RHEX: variants seen among roughly 807,000 people sequenced by gnomAD.
RHEX encodes the protein regulator of hemoglobinization and erythroid cell expansion, also known as regulator of hemoglobinization and erythroid cell expansion protein.
In RHEX, 18 loss-of-function variants were observed where a neutral mutation model predicts 20.1. That is an observed-to-expected ratio of 0.90 (90% CI 0.62 to 1.33). The LOEUF is 1.33. RHEX is among the 40% of genes most tolerant of loss of function. RHEX has a pLI of 0.00. For missense variants in RHEX, 192 were observed against 214.3 expected (o/e 0.90, Z 0.65); for synonymous variants, 87 against 77.1 (o/e 1.13, Z -0.67).
At chr1:206,090,409 C>T (rs369339890) in intron 1 of RHEX, among the ~76,000 whole-genome samples, 1 of 151,942 alleles carries the variant, frequency 6.6e-6, no homozygotes, top group East Asian at 1.9e-4. Flanking sequence ...GTTTCACCAT[C>T]TTGGCCAGGC....
intron 1 of RHEX, among the ~76,000 whole-genome samples, chr1:206,092,489 G>A (rs1662976200): frequency 6.6e-6 from 1 of 152,140 alleles, no homozygotes; most frequent in Non-Finnish European, 1.5e-5. Flanking sequence ...CTGACTCCAG[G>A]TTCTTTGTCT....
chr1:206,098,061 C>T lies in RHEX; in HGVS notation c.12-20C>T, dbSNP rs1553287929. On this transcript the variant is annotated intron_variant, in intron 2 of 5. Coordinates refer to ENST00000331555, the MANE Select transcript of RHEX (RefSeq NM_001007544.4). ...ACATCCTTGCAATCTCTGACTTTGC[C>T]CCTTTTTCTTTCCCAACAGAGTCAT... 1 of 1,589,274 alleles carries T rather than the reference C, an allele frequency of 6.3e-7. No homozygotes were observed.
rs782607585 is a variant in RHEX at position 206,099,709 on chromosome 1, G to A, written c.167G>A (p.Ser56Asn). 66 of 1,613,984 alleles carry A rather than the reference G, an allele frequency of 4.1e-5. No homozygotes were observed. The highest frequency in any genetic ancestry group is 5.0e-5 in the Admixed American group (3 of 60,000). Residue 56 changes from serine to asparagine, a missense_variant, in exon 4 of 6, where the codon AGC becomes AAC. Ser to Asn is a conservative substitution (Grantham distance 46). Transcript: ENST00000331555. ...KAASLQVPRPSPGHHHPPAVK... is the reference protein window; with the variant it reads ...KAASLQVPRPNPGHHHPPAVK... ...GCCAGTCTCCAGGTTCCCAGGCCCA[G>A]CCCTGGCCACCATCATCCACCTGCT...
chr1:206,101,974 G>A lies in RHEX; in HGVS notation c.*22G>A, dbSNP rs782188597. 3 of 1,557,784 alleles carry A rather than the reference G, an allele frequency of 1.9e-6. No individual in the cohort carries two copies. Among genetic ancestry groups the A allele is most frequent in the Non-Finnish European group, 2.7e-6 (3 of 1,129,554 alleles). On this transcript the variant is annotated 3_prime_UTR_variant, in exon 6 of 6. Transcript: ENST00000331555. The stretch of plus-strand genomic sequence containing the variant: ...GTGAATTCCAAATATTTTTAATGGG[G>A]TCCAGTTCTCTATGGATTCTTACAT...
chr1:206,084,634 C>T (rs950667771), intron 1 of RHEX, among the ~76,000 whole-genome samples: 2 of 152,168 alleles, frequency 1.3e-5, no homozygotes, highest in African/African-American at 4.8e-5. Flanking sequence ...ATTGGCTGAT[C>T]CTGCTTCTCG....
chr1:206,102,245 T>A lies in RHEX; in HGVS notation c.*293T>A, dbSNP rs1663207232. Reference sequence around the variant, plus strand: ...TTGAGATCAGATGTTAGGAAGAACTTTCAGGTAAAGTATGAGAACTATGGA... The same window carrying A: ...TTGAGATCAGATGTTAGGAAGAACTATCAGGTAAAGTATGAGAACTATGGA... On this transcript the variant is annotated 3_prime_UTR_variant, in exon 6 of 6. Coordinates refer to ENST00000331555, the MANE Select transcript of RHEX (RefSeq NM_001007544.4). 1 of 430,840 alleles carries A rather than the reference T, an allele frequency of 2.3e-6. No individual in the cohort carries two copies. Among genetic ancestry groups the A allele is most frequent in the South Asian group, 2.6e-5 (1 of 38,216 alleles). The allele number at this position is 430,840 out of a possible 1,614,324, so 26.7% of individuals were successfully genotyped here.
At position 206,055,595 on chromosome 1, in the gene RHEX, C is replaced by T. The variant is rs1132545; in HGVS notation, c.-97+2330C>T. Among the ~76,000 whole-genome samples, 7 of 152,194 alleles carry T rather than the reference C, an allele frequency of 4.6e-5. No individual in the cohort carries two copies. The South Asian group carries it at 6.2e-4, about 13-fold the overall frequency. On this transcript the variant is annotated intron_variant, in intron 1 of 5. Coordinates refer to ENST00000331555, the MANE Select transcript of RHEX (RefSeq NM_001007544.4). ...AGGAACACCAGATCAATTTAAAGTC[C>T]GAAATCAAATAGCTACAGGATTTAA... is the stretch of plus-strand genomic sequence containing the variant.
intron 1 of RHEX, among the ~76,000 whole-genome samples, chr1:206,071,552 A>G (rs190463447): frequency 1.7e-4 from 26 of 151,934 alleles, no homozygotes; most frequent in Admixed American, 1.6e-3. Flanking sequence ...AATGCAAAAA[A>G]AAAAAAAAAA....
chr1:206,098,234 G>A (rs781870418), intron 3 of RHEX, 53 bp downstream of exon 3: 23 of 1,331,360 alleles, frequency 1.7e-5, no homozygotes, highest in Admixed American at 1.0e-4. Flanking sequence ...GACCATTCTC[G>A]AGCCTCCAGC....
chr1:206,082,181 T>A (rs1023365810), intron 1 of RHEX, among the ~76,000 whole-genome samples: 1 of 152,160 alleles, frequency 6.6e-6, no homozygotes, highest in African/African-American at 2.4e-5. Context: ...TGAAAGGGAC[T>A]CAGCCCAAGG....
intron 1 of RHEX, among the ~76,000 whole-genome samples, chr1:206,093,999 C>A (rs1050414081): frequency 6.6e-6 from 1 of 152,064 alleles, no homozygotes; most frequent in Non-Finnish European, 1.5e-5. Context: ...TTTTGAGGTG[C>A]CTGGCAGGGC....
At position 206,074,531 on chromosome 1, in the gene RHEX, G is replaced by A. The variant is rs147328929; in HGVS notation, c.-97+21266G>A. ...ACCACACATTTCACCAATTAAAAGT[G>A]CACAGTTCCGTGGTTTTTAGTATAT... On this transcript the variant is annotated intron_variant, in intron 1 of 5. Coordinates refer to ENST00000331555, the MANE Select transcript of RHEX (RefSeq NM_001007544.4). Among the ~76,000 whole-genome samples, 474 of 152,266 alleles carry A rather than the reference G, an allele frequency of 3.1e-3. 1 individual carries two copies. Among genetic ancestry groups the A allele is most frequent in the African/African-American group, 0.011 (440 of 41,540 alleles).
chr1:206,078,639 T>C (rs1182343948), intron 1 of RHEX, among the ~76,000 whole-genome samples: 2 of 152,240 alleles, frequency 1.3e-5, no homozygotes, highest in African/African-American at 4.8e-5. Flanking sequence ...GAGTGCTTCA[T>C]ATGAGTTCAT....
chr1:206,063,540 C>T (rs904589197), intron 1 of RHEX, among the ~76,000 whole-genome samples: 12 of 152,248 alleles, frequency 7.9e-5, no homozygotes, highest in African/African-American at 2.7e-4. Context: ...TGCAGGCGCG[C>T]GCCGCCACGC....
At chr1:206,100,115 A>C (rs1407549898) in intron 4 of RHEX, among the ~76,000 whole-genome samples, 1 of 152,168 alleles carries the variant, frequency 6.6e-6, no homozygotes, top group Admixed American at 6.5e-5. Context: ...CGGATTGATC[A>C]GCTAATGGTG....
At chr1:206,100,251 TG>T (rs1553288235) in intron 4 of RHEX, among the ~76,000 whole-genome samples, 1 of 152,208 alleles carries the variant, frequency 6.6e-6, no homozygotes, top group Non-Finnish European at 1.5e-5. Flanking sequence ...GTCTTAGATC[TG>T]CATGGGTATC....
intron 1 of RHEX, among the ~76,000 whole-genome samples, chr1:206,081,904 A>C (rs910165266): frequency 1.3e-5 from 2 of 152,210 alleles, no homozygotes; most frequent in Non-Finnish European, 2.9e-5. Context: ...CCCCACAGTT[A>C]GCTGTAGCTT....
intron 3 of RHEX, among the ~76,000 whole-genome samples, chr1:206,099,388 G>T (rs542500335): frequency 6.6e-6 from 1 of 151,342 alleles, no homozygotes; most frequent in Non-Finnish European, 1.5e-5. Context: ...GCACAGTCTC[G>T]GCTCGCTGCA....
chr1:206,090,310 A>G (rs569478384), intron 1 of RHEX, among the ~76,000 whole-genome samples: 2 of 146,584 alleles, frequency 1.4e-5, no homozygotes, highest in South Asian at 2.1e-4. Flanking sequence ...GGTTCAAGCG[A>G]TTCTCCTGCC....
Sources: allele counts gnomAD v4.1 joint callset (sites outside exome capture counted in the v4.1 genomes callset), GRCh38; gene constraint gnomAD v4.1.1; transcripts MANE v1.5; gene names NCBI Gene and HGNC (gene_info 2026-07-23, HGNC 2026-07-21).